Variants in MAN1A2 observed in about 807,000 individuals in gnomAD.
The protein encoded by MAN1A2 is mannosyl-oligosaccharide 1,2-alpha-mannosidase IB.
A neutral mutation model predicts 75.7 loss-of-function variants in MAN1A2; 26 were observed. The observed-to-expected ratio is 0.34, with a 90% CI of 0.25 to 0.48. The LOEUF (loss-of-function observed/expected upper bound fraction) is 0.48, where lower values mean the gene tolerates loss of function less well. MAN1A2 is among the 20% of genes least tolerant of loss of function. MAN1A2 has a pLI of 0.99. For missense variants in MAN1A2, 562 were observed against 775.5 expected, an observed-to-expected ratio of 0.72 and a Z score of 3.27; for synonymous variants, 247 against 264.6, an observed-to-expected ratio of 0.93 and a Z score of 0.65.
rs1649784488 is a variant in MAN1A2, at chr1:117,460,528, C to T, written c.990C>T (p.Ser330=). ...GRNWGWASAG[S]SILAEFGTLH... ...ACTGGGGCTGGGCATCTGCAGGTAG[C>T]AGCATTCTGGCTGAATTTGGTACAC... Residue 330 remains serine, a synonymous_variant, in exon 7 of 13, where the codon AGC becomes AGT. Transcript: ENST00000356554. The T allele has an allele frequency of 6.2e-7, 1 of 1,612,840 alleles. No individual in the cohort carries two copies. The highest frequency in any genetic ancestry group is 8.5e-7 in the Non-Finnish European group (1 of 1,179,406).
intron 7 of MAN1A2, among the ~76,000 whole-genome samples, chr1:117,466,120 T>C (rs1649971541): frequency 6.6e-6 from 1 of 152,126 alleles, no homozygotes; most frequent in African/African-American, 2.4e-5. Flanking sequence ...TTATTATTGC[T>C]TGATTTTAAA....
chr1:117,428,243 T>C (rs1259741919), intron 5 of MAN1A2, among the ~76,000 whole-genome samples: 2 of 151,720 alleles, frequency 1.3e-5, no homozygotes, highest in African/African-American at 2.4e-5. Flanking sequence ...GCTTCCTGAG[T>C]AGCTGGGACC....
Position 117,526,690 on chromosome 1 carries a change from G to A in MAN1A2, c.*3733G>A, listed in dbSNP as rs549526759. 13 of 150,986 alleles carry A rather than the reference G, an allele frequency of 8.6e-5. No individual in the cohort carries two copies. Among genetic ancestry groups the A allele is most frequent in the Non-Finnish European group, 1.9e-4 (13 of 67,516 alleles). 9.4% of individuals were successfully genotyped at this position (150,986 alleles called of 1,614,324 possible). A position where few individuals can be genotyped will look rare whatever the true frequency, so the allele number is the denominator to read the frequency against. On this transcript the variant is annotated 3_prime_UTR_variant, in exon 13 of 13. Coordinates refer to ENST00000356554, the MANE Select transcript of MAN1A2 (RefSeq NM_006699.5). The stretch of plus-strand genomic sequence containing the variant: ...GCAGTTGTAAATTGTGTCTGCTCTG[G>A]TATGGGCCCTATTAATAGTCCCATG...
intron 8 of MAN1A2, among the ~76,000 whole-genome samples, chr1:117,469,239 A>G (rs1418376972): frequency 2.0e-5 from 3 of 152,170 alleles, no homozygotes; most frequent in African/African-American, 7.2e-5. Context: ...TTGTGTTGAG[A>G]AAACTGGATA....
intron 6 of MAN1A2, among the ~76,000 whole-genome samples, chr1:117,451,640 G>A (rs562002477): frequency 3.6e-4 from 55 of 152,286 alleles, no homozygotes; most frequent in Middle Eastern, 3.4e-3. Flanking sequence ...TAAGTCTCAC[G>A]AGATCTGATG....
chr1:117,524,281 AACT>A lies in MAN1A2; in HGVS notation c.*1329_*1331del, dbSNP rs1362849457. ...TTGCATTGATATTTCTTTTTAAATA[AACT>A]ACTAGTTCTTTATATTTTGACAAAA... On this transcript the variant is annotated 3_prime_UTR_variant, in exon 13 of 13. Transcript: ENST00000356554. 2.6e-5 allele frequency: 4 copies of A among 152,190 alleles called. No homozygotes were observed. Among genetic ancestry groups the A allele is most frequent in the African/African-American group, 9.7e-5 (4 of 41,378 alleles). The allele number at this position is 152,190 out of a possible 1,614,324, so 9.4% of individuals were successfully genotyped here.
In MAN1A2 at chr1:117,480,544, T is replaced by A. The variant is rs12037503; in HGVS notation, c.1169-12603T>A. ...TCTATTTTAGCCAGAAGCACTTTTTTAAAAAAAAAGTCAATTCCTATTATG... is the reference window on the plus strand; with the variant it reads ...TCTATTTTAGCCAGAAGCACTTTTTAAAAAAAAAAGTCAATTCCTATTATG... On this transcript the variant is annotated intron_variant, in intron 8 of 12. Coordinates refer to ENST00000356554, the MANE Select transcript of MAN1A2 (RefSeq NM_006699.5). 1.2e-3 allele frequency among the ~76,000 whole-genome samples: 187 copies of A among 151,364 alleles called. 2 individuals are homozygous for A. In the East Asian group the frequency reaches 0.027, roughly 22 times the overall value.
Position 117,524,797 on chromosome 1 carries a change from A to G in MAN1A2, c.*1840A>G, listed in dbSNP as rs1651960746. 5.6e-6 allele frequency: 1 copy of G among 179,978 alleles called. No homozygotes were observed. The highest frequency in any genetic ancestry group is 2.4e-5 in the African/African-American group (1 of 42,462). The allele number at this position is 179,978 out of a possible 1,614,324, so 11.1% of individuals were successfully genotyped here. ...GTCCTTAAGAGAGTTAAATTATAGC[A>G]CATGTTTTGACATTGTAATATCTTT... On this transcript the variant is annotated 3_prime_UTR_variant, in exon 13 of 13. Transcript: ENST00000356554.
chr1:117,434,741 T>C (rs1648794874), intron 5 of MAN1A2, among the ~76,000 whole-genome samples: 1 of 142,906 alleles, frequency 7.0e-6, no homozygotes, highest in Non-Finnish European at 1.5e-5. Context: ...CAGTAGTTGG[T>C]TACAGCTGTG....
At position 117,526,477 on chromosome 1, in the gene MAN1A2, C is replaced by T. The variant is rs1652023315; in HGVS notation, c.*3520C>T. On this transcript the variant is annotated 3_prime_UTR_variant, in exon 13 of 13. Coordinates refer to ENST00000356554, the MANE Select transcript of MAN1A2 (RefSeq NM_006699.5). ...CTATAATTGTAGTTAATAACTAAAA[C>T]CTCTTGAAAATGTCAAAGAAATACT... The T allele has an allele frequency of 6.6e-6, 1 of 151,616 alleles. No homozygotes were observed. Among genetic ancestry groups the T allele is most frequent in the South Asian group, 2.1e-4 (1 of 4,816 alleles). The allele number at this position is 151,616 out of a possible 1,614,324, so 9.4% of individuals were successfully genotyped here.
chr1:117,440,675 T>C (rs1425107610), intron 5 of MAN1A2, among the ~76,000 whole-genome samples: 1 of 152,098 alleles, frequency 6.6e-6, no homozygotes, highest in East Asian at 1.9e-4. Flanking sequence ...AATTAGACAA[T>C]ATATTATTGG....
At chr1:117,423,885 C>CTTTT (rs568455134) in intron 5 of MAN1A2, among the ~76,000 whole-genome samples, 1 of 141,006 alleles carries the variant, frequency 7.1e-6, no homozygotes, top group African/African-American at 2.6e-5. Context: ...TTCTTTCTTT[C>CTTTT]TTTTTTTTTT....
chr1:117,380,459 A>C (rs1442400223), intron 1 of MAN1A2, among the ~76,000 whole-genome samples: 1 of 152,166 alleles, frequency 6.6e-6, no homozygotes, highest in Non-Finnish European at 1.5e-5. Context: ...GATTTACCCC[A>C]GTTTTTTCCA....
intron 5 of MAN1A2, among the ~76,000 whole-genome samples, chr1:117,429,869 C>T (rs867533841): frequency 0.059 from 3,834 of 65,502 alleles, 309 homozygotes; most frequent in African/African-American, 0.091. Flanking sequence ...GACCCCCCCA[C>T]CTCCCTCCCA....
Position 117,442,215 on chromosome 1 carries a change from A to T in MAN1A2, c.856-16A>T. On this transcript the variant is annotated splice_polypyrimidine_tract_variant and intron_variant, in intron 5 of 12. Coordinates refer to ENST00000356554, the MANE Select transcript of MAN1A2 (RefSeq NM_006699.5). The stretch of plus-strand genomic sequence containing the variant: ...TAATGGCTATAATTTATGAATATTC[A>T]TGTTTTAAATCTCAGATATTCAAGA... 1 of 1,483,196 alleles carries T rather than the reference A, an allele frequency of 6.7e-7. No individual in the cohort carries two copies. The highest frequency in any genetic ancestry group is 2.3e-5 in the East Asian group (1 of 44,194). The allele number at this position is 1,483,196 out of a possible 1,614,324, so 91.9% of individuals were successfully genotyped here. A position where few individuals can be genotyped will look rare whatever the true frequency, so the allele number is the denominator to read the frequency against.
intron 10 of MAN1A2, 67 bp downstream of exon 10, chr1:117,497,049 A>G (rs778694567): frequency 7.5e-7 from 1 of 1,330,134 alleles, no homozygotes; most frequent in Non-Finnish European, 1.0e-6. Context: ...GTGTTCAGCA[A>G]TAAGAAGGAG....
At chr1:117,418,453 G>A (rs1457034982) in intron 4 of MAN1A2, among the ~76,000 whole-genome samples, 1 of 152,084 alleles carries the variant, frequency 6.6e-6, no homozygotes, top group Non-Finnish European at 1.5e-5. Flanking sequence ...ATACAACTCT[G>A]TCTTAATAGA....
intron 3 of MAN1A2, among the ~76,000 whole-genome samples, chr1:117,412,686 GC>G (rs1647862980): frequency 6.6e-6 from 1 of 151,716 alleles, no homozygotes; most frequent in African/African-American, 2.4e-5. Flanking sequence ...GTCATGTTTT[GC>G]TGCTTCTTTG....
intron 6 of MAN1A2, among the ~76,000 whole-genome samples, chr1:117,448,226 G>C (rs536223722): frequency 2.2e-4 from 34 of 152,114 alleles, no homozygotes; most frequent in Middle Eastern, 6.8e-3. Flanking sequence ...CTGCTTGTCT[G>C]AATATGTTTA....
Sources: gnomAD v4.1 joint callset for allele counts (sites outside exome capture counted in the v4.1 genomes callset) on GRCh38, gnomAD v4.1.1 for gene constraint, MANE v1.5 for transcripts, NCBI Gene and HGNC (gene_info 2026-07-23, HGNC 2026-07-21) for gene names.